The following FRMD4A variants were observed in gnomAD, a reference collection of about 807,000 sequenced individuals.
FRMD4A encodes FERM domain containing 4A.
In FRMD4A, 29 loss-of-function variants were observed where a neutral mutation model predicts 129.1. That is an observed-to-expected ratio of 0.22 (90% CI 0.17 to 0.31). FRMD4A has a LOEUF of 0.31. Ranked by LOEUF, FRMD4A falls within the 10% of genes least tolerant of loss-of-function variation. FRMD4A has a pLI of 1.00. For missense variants in FRMD4A, 1,272 were observed against 1,375.8 expected, an observed-to-expected ratio of 0.92 and a Z score of 1.19; for synonymous variants, 634 against 571.6, an observed-to-expected ratio of 1.11 and a Z score of -1.56.
intron 6 of FRMD4A, among the ~76,000 whole-genome samples, chr10:13,770,161 A>T (rs1055037521): frequency 2.0e-5 from 3 of 152,140 alleles, no homozygotes; most frequent in Admixed American, 6.5e-5. Context: ...ACTCATCATA[A>T]TTACGCAAAT....
In FRMD4A at chr10:13,914,805, A is replaced by G. The variant is rs192431279; in HGVS notation, c.46-55893T>C. On this transcript the variant is annotated intron_variant, in intron 2 of 24. Transcript: ENST00000357447. ...CCCAAAGCTCATGCAATATTAGTAT[A>G]TGAAACAAACCACAAGACTGGGCAA... Among the ~76,000 whole-genome samples the G allele has an allele frequency of 2.5e-3, 375 of 152,290 alleles. 6 individuals carry two copies. The highest frequency in any genetic ancestry group is 0.018 in the Admixed American group (274 of 15,294).
At chr10:13,836,583 G>C (rs2093877384) in intron 3 of FRMD4A, among the ~76,000 whole-genome samples, 1 of 152,096 alleles carries the variant, frequency 6.6e-6, no homozygotes, top group Non-Finnish European at 1.5e-5. Flanking sequence ...GACAGAGCCA[G>C]TTATAGCACT....
intron 2 of FRMD4A, among the ~76,000 whole-genome samples, chr10:14,020,774 G>A (rs907550195): frequency 6.6e-6 from 1 of 152,132 alleles, no homozygotes; most frequent in African/African-American, 2.4e-5. Context: ...TGTGGTTCAG[G>A]CAGGGAGTGA....
In FRMD4A at chr10:14,278,340, C is replaced by A. The variant is rs370311790; in HGVS notation, c.45+51718G>T. Among the ~76,000 whole-genome samples the A allele has an allele frequency of 3.5e-4, 53 of 152,300 alleles. No individual in the cohort carries two copies. In the South Asian group the frequency reaches 0.011, roughly 31 times the overall value. On this transcript the variant is annotated intron_variant, in intron 2 of 24. Coordinates refer to ENST00000357447, the MANE Select transcript of FRMD4A (RefSeq NM_018027.5). ...AATAGTTTCCAAAATCAAGATTATA[C>A]TTCTTCACCACACTACTGTCTCCAA...
chr10:14,140,229 T>C (rs1200553366), intron 2 of FRMD4A, among the ~76,000 whole-genome samples: 1 of 152,092 alleles, frequency 6.6e-6, no homozygotes. Context: ...ACCTGGCTAA[T>C]CTTCGTATTT....
At chr10:13,785,418 T>C (rs140854192) in intron 5 of FRMD4A, among the ~76,000 whole-genome samples, 1,587 of 152,252 alleles carry the variant, frequency 0.01, 30 homozygotes, top group African/African-American at 0.031. Context: ...CCCCTGCTTC[T>C]GGAGCAGGTG....
chr10:13,688,937 C>T (rs981063693), intron 15 of FRMD4A, among the ~76,000 whole-genome samples: 1 of 151,944 alleles, frequency 6.6e-6, no homozygotes, highest in Non-Finnish European at 1.5e-5. Flanking sequence ...AGGCTAGTCT[C>T]GAACTCCTGC....
chr10:14,251,921 T>C (rs1364381896), intron 2 of FRMD4A, among the ~76,000 whole-genome samples: 1 of 152,114 alleles, frequency 6.6e-6, no homozygotes, highest in East Asian at 1.9e-4. Flanking sequence ...AAACAGAGCC[T>C]GGCAGAGAGT....
chr10:13,686,180 T>A (rs1439882463), intron 15 of FRMD4A, among the ~76,000 whole-genome samples: 1 of 152,206 alleles, frequency 6.6e-6, no homozygotes, highest in Non-Finnish European at 1.5e-5. Context: ...TGTCCATTGT[T>A]AGACCTAAAA....
chr10:13,747,117 C>T (rs918450917), intron 9 of FRMD4A, among the ~76,000 whole-genome samples: 4 of 151,780 alleles, frequency 2.6e-5, no homozygotes, highest in Non-Finnish European at 5.9e-5. Context: ...ACATGAAAGG[C>T]TCTCGAAGGC....
At chr10:13,989,137 G>T (rs552987963) in intron 2 of FRMD4A, among the ~76,000 whole-genome samples, 1 of 152,168 alleles carries the variant, frequency 6.6e-6, no homozygotes, top group African/African-American at 2.4e-5. Context: ...GGTGAGGGGG[G>T]TCTCAGTCTT....
intron 2 of FRMD4A, among the ~76,000 whole-genome samples, chr10:14,134,520 G>C (rs62653756): frequency 0.071 from 10,688 of 151,006 alleles, 402 homozygotes; most frequent in Middle Eastern, 0.14. Flanking sequence ...GAGGGATGGA[G>C]GGATGGGTGA....
Position 13,657,499 on chromosome 10 carries a change from C to T in FRMD4A, c.2090G>A (p.Arg697Gln). The T allele has an allele frequency of 2.0e-6, 3 of 1,517,464 alleles. No individual in the cohort carries two copies. The highest frequency in any genetic ancestry group is 2.6e-5 in the East Asian group (1 of 37,738). 94.0% of individuals were successfully genotyped at this position (1,517,464 alleles called of 1,614,324 possible). ...AAAGTGCAGTGCGAGGCTGTGCAGT[C>T]GGGTGGGGCTGATGTCCACCGACCT... The part of the protein sequence containing the change: ...STRSVDISPT[R>Q]LHSLALHFRH... Residue 697 changes from arginine to glutamine, a missense_variant, in exon 22 of 25, where the codon CGA becomes CAA. Coordinates refer to ENST00000357447, the MANE Select transcript of FRMD4A (RefSeq NM_018027.5).
At chr10:14,203,296 G>C (rs972071421) in intron 2 of FRMD4A, among the ~76,000 whole-genome samples, 15 of 152,238 alleles carry the variant, frequency 9.9e-5, no homozygotes, top group Non-Finnish European at 1.8e-4. Context: ...CTACAACGTC[G>C]TTTCCCCATT....
chr10:13,673,933 C>T (rs964270630), intron 16 of FRMD4A, among the ~76,000 whole-genome samples: 2 of 151,798 alleles, frequency 1.3e-5, no homozygotes, highest in Non-Finnish European at 2.9e-5. Flanking sequence ...ACACCACCAC[C>T]TCTGGCTATT....
At chr10:13,786,456 A>G (rs1438264810) in intron 5 of FRMD4A, among the ~76,000 whole-genome samples, 1 of 152,156 alleles carries the variant, frequency 6.6e-6, no homozygotes. Flanking sequence ...AATACAAAAA[A>G]TTAGCCAGGC....
intron 3 of FRMD4A, among the ~76,000 whole-genome samples, chr10:13,819,297 T>C (rs1017243478): frequency 6.6e-6 from 1 of 152,222 alleles, no homozygotes. Flanking sequence ...ATCTATTTGA[T>C]TGAACTAAAG....
chr10:14,134,397 G>GTGGA (rs962328105), intron 2 of FRMD4A, among the ~76,000 whole-genome samples: 2 of 151,184 alleles, frequency 1.3e-5, no homozygotes, highest in Admixed American at 6.6e-5. Flanking sequence ...GGGTGAATGG[G>GTGGA]TGGATGGATG....
intron 2 of FRMD4A, among the ~76,000 whole-genome samples, chr10:14,027,579 G>T (rs1264578438): frequency 6.6e-6 from 1 of 152,230 alleles, no homozygotes; most frequent in African/African-American, 2.4e-5. Context: ...TGGCGCCATT[G>T]CACTCCAGCC....
Sources: gnomAD v4.1 joint callset for allele counts (sites outside exome capture counted in the v4.1 genomes callset) on GRCh38, gnomAD v4.1.1 for gene constraint, MANE v1.5 for transcripts, NCBI Gene and HGNC (gene_info 2026-07-23, HGNC 2026-07-21) for gene names.